PDZRN4: variants seen among roughly 807,000 people sequenced by gnomAD.
The protein encoded by PDZRN4 is PDZ domain-containing RING finger protein 4.
Under a neutral mutation model 99.0 loss-of-function variants are expected in PDZRN4, and 70 were observed. The ratio of observed to expected loss-of-function variants is 0.71; its 90% confidence interval spans 0.58 to 0.86. PDZRN4 has a LOEUF of 0.86. Among genes scored for constraint, PDZRN4 ranks in the 40% least tolerant of loss-of-function variants. The pLI is 0.00. For synonymous variants in PDZRN4, 551 were observed against 501.6 expected, an observed-to-expected ratio of 1.10 and a Z score of -1.32; for missense variants, 1,474 against 1,331.2, an observed-to-expected ratio of 1.11 and a Z score of -1.67.
chr12:41,515,781 T>C (rs1330884182), intron 5 of PDZRN4, among the ~76,000 whole-genome samples: 1 of 152,052 alleles, frequency 6.6e-6, no homozygotes, highest in African/African-American at 2.4e-5. Flanking sequence ...AGCCAGTCCC[T>C]AGTCTTTGCA....
chr12:41,213,412 C>G (rs1203251969), intron 3 of PDZRN4, among the ~76,000 whole-genome samples: 2 of 152,024 alleles, frequency 1.3e-5, no homozygotes, highest in Non-Finnish European at 2.9e-5. Context: ...AACAGGCATC[C>G]TCCTTTTGGT....
chr12:41,546,752 C>T (rs538972939), intron 5 of PDZRN4, among the ~76,000 whole-genome samples: 54 of 152,282 alleles, frequency 3.5e-4, no homozygotes, highest in African/African-American at 1.3e-3. Flanking sequence ...GAAGGGTCAA[C>T]AGGTTCGAGC....
intron 3 of PDZRN4, among the ~76,000 whole-genome samples, chr12:41,428,430 G>C (rs1952556470): frequency 1.3e-5 from 2 of 152,096 alleles, no homozygotes; most frequent in Non-Finnish European, 2.9e-5. Context: ...CCATTATAAT[G>C]ACTGAATATT....
chr12:41,362,665 C>T (rs534461106), intron 3 of PDZRN4, among the ~76,000 whole-genome samples: 1 of 152,122 alleles, frequency 6.6e-6, no homozygotes, highest in South Asian at 2.1e-4. Flanking sequence ...CAAGGAGATA[C>T]ATAGGTCTCC....
In PDZRN4 at chr12:41,562,478, C is replaced by T. The variant is rs530826042; in HGVS notation, c.1366-1070C>T. 2.6e-5 allele frequency among the ~76,000 whole-genome samples: 4 copies of T among 152,198 alleles called. No individual in the cohort carries two copies. The South Asian group carries it at 8.3e-4, about 32-fold the overall frequency. Reference sequence around the variant, plus strand: ...GTGCTGCTACATTTTCCATCTGCTTCATTTATTCAAGTAATTAATACTATT... The same window carrying T: ...GTGCTGCTACATTTTCCATCTGCTTTATTTATTCAAGTAATTAATACTATT... On this transcript the variant is annotated intron_variant, in intron 7 of 9. Transcript: ENST00000402685.
chr12:41,344,493 A>G (rs1951838629), intron 3 of PDZRN4, among the ~76,000 whole-genome samples: 1 of 151,976 alleles, frequency 6.6e-6, no homozygotes, highest in South Asian at 2.1e-4. Context: ...TTTGTTTTCA[A>G]ATGTATTCTT....
At chr12:41,531,916 G>C (rs1010198238) in intron 5 of PDZRN4, among the ~76,000 whole-genome samples, 1 of 151,976 alleles carries the variant, frequency 6.6e-6, no homozygotes, top group Non-Finnish European at 1.5e-5. Context: ...TAGTATTTAT[G>C]ATAAACAAAA....
rs181742229 is a variant in PDZRN4, at chr12:41,191,047, C to A, written c.649-411C>A. ...GTTTCTTAAATTCCTTAAGACTTTA[C>A]AAAATAAAAATTTTACACTATTGAT... On this transcript the variant is annotated intron_variant, in intron 1 of 9. Transcript: ENST00000402685. Among the ~76,000 whole-genome samples the A allele has an allele frequency of 2.4e-4, 36 of 152,124 alleles. 1 individual carries two copies. The East Asian group carries it at 5.6e-3, about 24-fold the overall frequency.
At chr12:41,555,865 G>T in intron 7 of PDZRN4, 105 bp downstream of exon 7, 2 of 943,124 alleles carry the variant, frequency 2.1e-6, no homozygotes, top group South Asian at 3.0e-5. Flanking sequence ...CTTTGCTTTT[G>T]GATACTAACA....
intron 3 of PDZRN4, among the ~76,000 whole-genome samples, chr12:41,204,300 A>C (rs774839066): frequency 2.0e-5 from 3 of 152,014 alleles, no homozygotes; most frequent in Non-Finnish European, 4.4e-5. Context: ...TCCTCTAAAA[A>C]GTCTTGAGAG....
intron 3 of PDZRN4, chr12:41,460,107 A>T: frequency 7.8e-7 from 1 of 1,274,348 alleles, no homozygotes. Context: ...CTGTCAGGGG[A>T]TCATAAACAT....
At chr12:41,471,711 T>C (rs942198774) in intron 3 of PDZRN4, among the ~76,000 whole-genome samples, 2 of 147,862 alleles carry the variant, frequency 1.4e-5, no homozygotes, top group Non-Finnish European at 1.5e-5. Flanking sequence ...AACTATGTAA[T>C]AATAATAATC....
chr12:41,249,940 T>C (rs1244467902), intron 3 of PDZRN4, among the ~76,000 whole-genome samples: 1 of 152,198 alleles, frequency 6.6e-6, no homozygotes, highest in African/African-American at 2.4e-5. Context: ...TTATGGGAAA[T>C]CAATCTAATT....
chr12:41,438,846 C>T (rs1952653937), intron 3 of PDZRN4, among the ~76,000 whole-genome samples: 1 of 152,182 alleles, frequency 6.6e-6, no homozygotes, highest in African/African-American at 2.4e-5. Flanking sequence ...TCTTATCTAG[C>T]AAAATAAAGT....
At chr12:41,470,103 A>G (rs1195186067) in intron 3 of PDZRN4, among the ~76,000 whole-genome samples, 1 of 152,072 alleles carries the variant, frequency 6.6e-6, no homozygotes, top group Admixed American at 6.6e-5. Context: ...GAAGGCCTTT[A>G]AAATCTTATT....
intron 3 of PDZRN4, among the ~76,000 whole-genome samples, chr12:41,339,107 C>A (rs1390741253): frequency 1.4e-5 from 2 of 145,110 alleles, no homozygotes; most frequent in African/African-American, 5.1e-5. Flanking sequence ...AGATTCAAAG[C>A]AGCCAAAGTC....
At chr12:41,193,415 C>G (rs949613724) in intron 2 of PDZRN4, among the ~76,000 whole-genome samples, 1 of 152,150 alleles carries the variant, frequency 6.6e-6, no homozygotes, top group Non-Finnish European at 1.5e-5. Flanking sequence ...CTTCTTGTGA[C>G]TGGCTAAAAT....
In PDZRN4 at chr12:41,297,673, A is replaced by C. The variant is rs146273268; in HGVS notation, c.843+103485A>C. On this transcript the variant is annotated intron_variant, in intron 3 of 9. Coordinates refer to ENST00000402685, the MANE Select transcript of PDZRN4 (RefSeq NM_001164595.2). Reference sequence around the variant, plus strand: ...AGGGACATATAAAATATTCCTCTTCAGTGGAAAGGGGAGAATCTTTCCTTC... The same window carrying C: ...AGGGACATATAAAATATTCCTCTTCCGTGGAAAGGGGAGAATCTTTCCTTC... 1.0e-3 allele frequency among the ~76,000 whole-genome samples: 152 copies of C among 152,280 alleles called. 3 individuals are homozygous for C. The highest frequency in any genetic ancestry group is 3.5e-3 in the African/African-American group (147 of 41,564).
intron 3 of PDZRN4, among the ~76,000 whole-genome samples, chr12:41,246,598 TAAC>T (rs1951135290): frequency 6.6e-6 from 1 of 152,196 alleles, no homozygotes; most frequent in Non-Finnish European, 1.5e-5. Flanking sequence ...ATAGATGAGG[TAAC>T]AAGTTCCTGG....
Sources: gnomAD v4.1 joint callset for allele counts (sites outside exome capture counted in the v4.1 genomes callset) on GRCh38, gnomAD v4.1.1 for gene constraint, MANE v1.5 for transcripts, NCBI Gene and HGNC (gene_info 2026-07-23, HGNC 2026-07-21) for gene names.